SPAM1: variants seen among roughly 807,000 people sequenced by gnomAD.
SPAM1 encodes sperm adhesion molecule 1, also known as hyaluronidase PH-20.
In SPAM1, 22 loss-of-function variants were observed where a neutral mutation model predicts 29.6. The observed-to-expected ratio is 0.74, with a 90% CI of 0.53 to 1.06. The LOEUF (loss-of-function observed/expected upper bound fraction) is 1.06. Ranked by LOEUF, SPAM1 falls within the 50% of genes least tolerant of loss-of-function variation. The pLI is 0.00. For missense variants in SPAM1, 534 were observed against 604.0 expected, an observed-to-expected ratio of 0.88 and a Z score of 1.21; for synonymous variants, 194 against 204.6, an observed-to-expected ratio of 0.95 and a Z score of 0.44.
chr7:123,944,948 G>A lies in SPAM1; in HGVS notation c.-318-4924G>A, dbSNP rs114235411. The stretch of plus-strand genomic sequence containing the variant: ...TTCTAACCAATTATTTAGTGTATAA[G>A]TGGGGTTTTAAAAATATTAAATATA... On this transcript the variant is annotated intron_variant, in intron 1 of 4. Transcript: ENST00000682466. Among the ~76,000 whole-genome samples, 736 of 152,092 alleles carry A rather than the reference G, an allele frequency of 4.8e-3. 10 individuals carry two copies. Among genetic ancestry groups the A allele is most frequent in the African/African-American group, 0.017 (692 of 41,514 alleles).
chr7:123,954,053 A>G lies in SPAM1; in HGVS notation c.483A>G (p.Lys161=), dbSNP rs1418104131. 6.2e-7 allele frequency: 1 copy of G among 1,613,604 alleles called. No homozygotes were observed. The highest frequency in any genetic ancestry group is 2.2e-5 in the East Asian group (1 of 44,836). ...CTTGGGCAAGAAACTGGAAACCTAAAGATGTTTACAAGAATAGGTCTATTG... is the reference window on the plus strand; with the variant it reads ...CTTGGGCAAGAAACTGGAAACCTAAGGATGTTTACAAGAATAGGTCTATTG... ...RPTWARNWKP[K]DVYKNRSIEL... Residue 161 remains lysine (K), a synonymous_variant, in exon 3 of 5, where the codon AAA becomes AAG. Coordinates refer to ENST00000682466, the MANE Select transcript of SPAM1 (RefSeq NM_153189.3).
chr7:123,962,446 C>T (rs1274555178), downstream of SPAM1, among the ~76,000 whole-genome samples: 2 of 151,874 alleles, frequency 1.3e-5, no homozygotes, highest in Non-Finnish European at 2.9e-5. Context: ...AATATTTTCT[C>T]CCATTCTACA....
At chr7:123,963,279 T>A (rs772216967), downstream of SPAM1, among the ~76,000 whole-genome samples, 16 of 151,858 alleles carry the variant, frequency 1.1e-4, no homozygotes, top group Non-Finnish European at 1.6e-4. Flanking sequence ...GAAAATGACA[T>A]CTTGTTTTAA....
chr7:123,946,861 T>G (rs1269911886), intron 1 of SPAM1, among the ~76,000 whole-genome samples: 1 of 152,174 alleles, frequency 6.6e-6, no homozygotes, highest in African/African-American at 2.4e-5. Context: ...CTTTGAGTTC[T>G]GTCTGTCCTT....
At position 123,954,156 on chromosome 7, in the gene SPAM1, G is replaced by A. The variant is rs762275983; in HGVS notation, c.586G>A (p.Gly196Arg). The A allele has an allele frequency of 6.2e-7, 1 of 1,613,172 alleles. No individual in the cohort carries two copies. The highest frequency in any genetic ancestry group is 1.3e-5 in the African/African-American group (1 of 74,858). The change falls in exon 3 of 5, where the codon GGG becomes AGG. Residue 196 changes from glycine (G) to arginine (R), a missense_variant. Coordinates refer to ENST00000682466, the MANE Select transcript of SPAM1 (RefSeq NM_153189.3). ...AGCAAAACAAGAATTTGAAAAGGCAGGGAAGGATTTCCTGGTAGAGACTAT... is the reference window on the plus strand; with the variant it reads ...AGCAAAACAAGAATTTGAAAAGGCAAGGAAGGATTTCCTGGTAGAGACTAT... Reference protein sequence around the residue: ...EKAKQEFEKAGKDFLVETIKL... With the variant: ...EKAKQEFEKARKDFLVETIKL...
At chr7:123,956,242 C>G (rs1792246343) in intron 4 of SPAM1, among the ~76,000 whole-genome samples, 1 of 151,930 alleles carries the variant, frequency 6.6e-6, no homozygotes, top group South Asian at 2.1e-4. Context: ...TGATTATTTT[C>G]TCCTTAATGG....
chr7:123,937,299 G>T (rs1341439156), intron 1 of SPAM1, among the ~76,000 whole-genome samples: 1 of 151,988 alleles, frequency 6.6e-6, no homozygotes, highest in Admixed American at 6.6e-5. Context: ...GAGTCACATA[G>T]CTTCTTAAAA....
chr7:123,939,842 A>T (rs1808373083), intron 1 of SPAM1, among the ~76,000 whole-genome samples: 1 of 152,034 alleles, frequency 6.6e-6, no homozygotes, highest in Admixed American at 6.5e-5. Flanking sequence ...CCCCCAGGAG[A>T]TGTCTGATCA....
chr7:123,942,768 T>C lies in SPAM1; in HGVS notation c.-318-7104T>C, dbSNP rs897549032. Among the ~76,000 whole-genome samples the C allele has an allele frequency of 2.0e-5, 3 of 152,140 alleles. No homozygotes were observed. In the East Asian group the frequency reaches 5.8e-4, roughly 29 times the overall value. On this transcript the variant is annotated intron_variant, in intron 1 of 4. Coordinates refer to ENST00000682466, the MANE Select transcript of SPAM1 (RefSeq NM_153189.3). ...CTGTGCAGGGACTGTGTAGACAAGATATAAGATCAGCTTTCTGAAGGGGCT... is the reference window on the plus strand; with the variant it reads ...CTGTGCAGGGACTGTGTAGACAAGACATAAGATCAGCTTTCTGAAGGGGCT...
At chr7:123,939,085 C>CT (rs67180090) in intron 1 of SPAM1, among the ~76,000 whole-genome samples, 1,376 of 123,786 alleles carry the variant, frequency 0.011, 20 homozygotes, top group African/African-American at 0.028. Context: ...ATCTTCAAGT[C>CT]TTTTTTTTTT....
chr7:123,957,527 G>A (rs1052094050), intron 4 of SPAM1, among the ~76,000 whole-genome samples: 1 of 151,920 alleles, frequency 6.6e-6, no homozygotes, highest in Non-Finnish European at 1.5e-5. Flanking sequence ...CAAAAATATT[G>A]GATTGTTACG....
chr7:123,938,587 G>T (rs1168017847), intron 1 of SPAM1, among the ~76,000 whole-genome samples: 2 of 152,126 alleles, frequency 1.3e-5, no homozygotes, highest in African/African-American at 4.8e-5. Context: ...TTTGGACAAA[G>T]GTGTTTTCTG....
chr7:123,965,688 T>C (rs7384062), intron 5 of SPAM1, among the ~76,000 whole-genome samples: 50,025 of 151,950 alleles, frequency 0.33, 9,475 homozygotes, highest in African/African-American at 0.51. Flanking sequence ...AGTGCAATGC[T>C]ATTTTGGTTA....
At chr7:123,927,822 T>C (rs1807938473) in intron 1 of SPAM1, among the ~76,000 whole-genome samples, 1 of 152,132 alleles carries the variant, frequency 6.6e-6, no homozygotes, top group South Asian at 2.1e-4. Flanking sequence ...ACGCATAATA[T>C]CTATGAGGTA....
At chr7:123,950,612 CATAGTATTCCATAGTGTATAT>C (rs1278455658) in intron 2 of SPAM1, among the ~76,000 whole-genome samples, 2 of 152,094 alleles carry the variant, frequency 1.3e-5, no homozygotes, top group African/African-American at 4.8e-5. Flanking sequence ...TTTATGGCTG[CATAGTATTCCATAGTGTATAT>C]ATACCAAATT....
chr7:123,965,925 G>A (rs1188397917), intron 5 of SPAM1, among the ~76,000 whole-genome samples: 2 of 151,894 alleles, frequency 1.3e-5, no homozygotes, highest in African/African-American at 4.8e-5. Context: ...TGACAAGTGC[G>A]ATCTAATTAA....
intron 1 of SPAM1, among the ~76,000 whole-genome samples, chr7:123,939,071 G>A (rs1036202323): frequency 6.7e-6 from 1 of 148,322 alleles, no homozygotes; most frequent in African/African-American, 2.5e-5. Context: ...CTCGCATTTA[G>A]ATGATCTTCA....
intron 5 of SPAM1, chr7:123,970,185 G>T (rs1368025250): frequency 1.3e-6 from 2 of 1,547,908 alleles, no homozygotes; most frequent in South Asian, 1.2e-5. Context: ...ATTTTCTTAT[G>T]GTTTTCTTAC....
intron 1 of SPAM1, among the ~76,000 whole-genome samples, chr7:123,935,760 T>C (rs952380270): frequency 6.6e-6 from 1 of 152,198 alleles, no homozygotes; most frequent in Non-Finnish European, 1.5e-5. Flanking sequence ...CATTTTATGC[T>C]GTTACTCAGT....
Sources: gnomAD v4.1 joint callset for allele counts (sites outside exome capture counted in the v4.1 genomes callset) on GRCh38, gnomAD v4.1.1 for gene constraint, MANE v1.5 for transcripts, NCBI Gene and HGNC (gene_info 2026-07-23, HGNC 2026-07-21) for gene names.